Variants in TMEM232 observed in about 807,000 individuals in gnomAD.
TMEM232 encodes transmembrane protein 232.
Under a neutral mutation model 78.8 loss-of-function variants are expected in TMEM232, and 80 were observed. The ratio of observed to expected loss-of-function variants is 1.01; its 90% CI spans 0.85 to 1.22. TMEM232 has a LOEUF of 1.22. Among genes scored for constraint, TMEM232 ranks in the 50% most tolerant of loss-of-function variants. The pLI is 0.00. For synonymous variants in TMEM232, 297 were observed against 254.3 expected (o/e 1.17, Z -1.60); for missense variants, 881 against 742.2 (o/e 1.19, Z -2.17).
Position 110,439,328 on chromosome 5 carries a change from T to C in TMEM232, c.1704-14412A>G, listed in dbSNP as rs1408613168. ...ATTACCTACTCCCACATTAAAAATA[T>C]ATTGTAACTATTTAATTAATCTCGT... is the stretch of plus-strand genomic sequence containing the variant. On this transcript the variant is annotated intron_variant, in intron 12 of 13. Coordinates refer to ENST00000455884, the MANE Select transcript of TMEM232 (RefSeq NM_001039763.4). Among the ~76,000 whole-genome samples, 4 of 152,282 alleles carry C rather than the reference T, an allele frequency of 2.6e-5. No homozygotes were observed. In the East Asian group the frequency reaches 7.7e-4, roughly 29 times the overall value.
At chr5:110,546,726 A>G (rs186771888) in intron 11 of TMEM232, among the ~76,000 whole-genome samples, 1 of 152,190 alleles carries the variant, frequency 6.6e-6, no homozygotes, top group Non-Finnish European at 1.5e-5. Flanking sequence ...ATTCACATGG[A>G]GTAGTGAGAG....
chr5:110,652,229 A>G (rs1287820485), intron 2 of TMEM232, among the ~76,000 whole-genome samples: 3 of 151,302 alleles, frequency 2.0e-5, no homozygotes, highest in African/African-American at 7.3e-5. Context: ...AGTAAATTCA[A>G]TTCAATTTGA....
chr5:110,528,750 T>C lies in TMEM232; in HGVS notation c.1541A>G (p.Tyr514Cys), dbSNP rs1194186106. Residue 514 changes from tyrosine (Y) to cysteine (C), a missense_variant, in exon 12 of 14, where the codon TAT becomes TGT. Tyr to Cys is a radical substitution (Grantham distance 194, BLOSUM62 -2). Transcript: ENST00000455884. ...AGTGTTGGCAATTCTCCACCCAATA[T>C]ATTTGGAGAAAACTTCTTCTCCTAC... ...SNVGEEVFSK[Y>C]IGWRIANTLS... The C allele has an allele frequency of 1.3e-6, 2 of 1,534,216 alleles. No homozygotes were observed. Among genetic ancestry groups the C allele is most frequent in the Non-Finnish European group, 1.7e-6 (2 of 1,146,006 alleles).
rs1281878923 is a variant in TMEM232 at position 110,405,335 on chromosome 5, A to AT, written n.309-7482dup. Among the ~76,000 whole-genome samples, 3 of 152,214 alleles carry AT rather than the reference A, an allele frequency of 2.0e-5. No homozygotes were observed. The East Asian group carries it at 5.8e-4, about 29-fold the overall frequency. The stretch of plus-strand genomic sequence containing the variant: ...CTGTCAAAGAACCAAAACAAATTAA[A>AT]TTTTTATAGTATTATTTTATACACC... On this transcript the variant is annotated intron_variant and non_coding_transcript_variant, in intron 2 of 8. Transcript: ENST00000507188.
intron 12 of TMEM232, among the ~76,000 whole-genome samples, chr5:110,453,677 C>A (rs1414107156): frequency 6.6e-6 from 1 of 152,140 alleles, no homozygotes; most frequent in Non-Finnish European, 1.5e-5. Flanking sequence ...CCAGAGATTA[C>A]CCAGTGTACG....
chr5:110,510,715 A>G (rs1317662338), intron 12 of TMEM232, among the ~76,000 whole-genome samples: 2 of 152,246 alleles, frequency 1.3e-5, no homozygotes, highest in East Asian at 3.9e-4. Flanking sequence ...CACTGGTCAC[A>G]GAGAAATGCA....
At chr5:110,437,806 A>T (rs1758599502) in intron 12 of TMEM232, among the ~76,000 whole-genome samples, 1 of 152,222 alleles carries the variant, frequency 6.6e-6, no homozygotes, top group South Asian at 2.1e-4. Flanking sequence ...AAGATCTTTA[A>T]GTGTAAAATA....
At chr5:110,635,345 G>A (rs936792590) in intron 5 of TMEM232, among the ~76,000 whole-genome samples, 3 of 151,816 alleles carry the variant, frequency 2.0e-5, no homozygotes, top group Non-Finnish European at 2.9e-5. Context: ...CAAGGCCAGC[G>A]TTACCCTAAT....
intron 2 of TMEM232, among the ~76,000 whole-genome samples, chr5:110,650,444 C>T (rs529032185): frequency 6.6e-5 from 10 of 151,976 alleles, no homozygotes; most frequent in Non-Finnish European, 1.3e-4. Context: ...AGTAAAAAAA[C>T]AAGGAACACT....
chr5:110,702,523 T>A (rs889357055), intron 1 of TMEM232, among the ~76,000 whole-genome samples: 6 of 152,026 alleles, frequency 3.9e-5, no homozygotes, highest in Non-Finnish European at 5.9e-5. Flanking sequence ...TCTTAAGTAC[T>A]CTTACTCTCT....
chr5:110,486,535 G>A (rs1476746075), intron 12 of TMEM232, among the ~76,000 whole-genome samples: 1 of 152,060 alleles, frequency 6.6e-6, no homozygotes, highest in African/African-American at 2.4e-5. Flanking sequence ...TCCTACATGT[G>A]GCTAAGCAAT....
intron 12 of TMEM232, among the ~76,000 whole-genome samples, chr5:110,493,958 G>A (rs1430027010): frequency 6.6e-6 from 1 of 151,930 alleles, no homozygotes; most frequent in Non-Finnish European, 1.5e-5. Context: ...AGGCCCCAGT[G>A]TGTGATGTTC....
At chr5:110,521,222 T>C (rs982443490) in intron 12 of TMEM232, among the ~76,000 whole-genome samples, 20 of 152,168 alleles carry the variant, frequency 1.3e-4, no homozygotes, top group African/African-American at 4.8e-4. Flanking sequence ...ATTACTGACA[T>C]TGAACATTGT....
At chr5:110,490,105 G>A (rs1230527647) in intron 12 of TMEM232, among the ~76,000 whole-genome samples, 1 of 139,914 alleles carries the variant, frequency 7.1e-6, no homozygotes. Flanking sequence ...GCCTGACTGA[G>A]TGAAACTCCG....
intron 12 of TMEM232, among the ~76,000 whole-genome samples, chr5:110,428,998 T>C (rs754586509): frequency 4.6e-5 from 7 of 151,806 alleles, no homozygotes; most frequent in East Asian, 1.9e-4. Context: ...TGAGATTACA[T>C]TGAAGTGAAG....
At chr5:110,729,066 G>A (rs1798427474), upstream of TMEM232, among the ~76,000 whole-genome samples, 1 of 151,772 alleles carries the variant, frequency 6.6e-6, no homozygotes, top group Non-Finnish European at 1.5e-5. Flanking sequence ...TGTATTTTTG[G>A]TAGAGACAGG....
At chr5:110,660,057 C>G (rs1051581047) in intron 2 of TMEM232, among the ~76,000 whole-genome samples, 1 of 151,872 alleles carries the variant, frequency 6.6e-6, no homozygotes, top group African/African-American at 2.4e-5. Context: ...AAAGATACAT[C>G]CATAGATTCA....
chr5:110,431,920 T>C (rs897750435), intron 12 of TMEM232, among the ~76,000 whole-genome samples: 5 of 151,714 alleles, frequency 3.3e-5, no homozygotes, highest in African/African-American at 7.2e-5. Flanking sequence ...GTTTGTATAA[T>C]ATAAAAAGAG....
At chr5:110,563,323 TA>T (rs1323234284) in intron 11 of TMEM232, among the ~76,000 whole-genome samples, 1 of 151,912 alleles carries the variant, frequency 6.6e-6, no homozygotes, top group Non-Finnish European at 1.5e-5. Flanking sequence ...AGATATTTAC[TA>T]AAATTTTGAA....
Sources: gnomAD v4.1 joint callset for allele counts (sites outside exome capture counted in the v4.1 genomes callset) on GRCh38, gnomAD v4.1.1 for gene constraint, MANE v1.5 for transcripts, NCBI Gene and HGNC (gene_info 2026-07-23, HGNC 2026-07-21) for gene names.